The following CEP112 variants were observed in gnomAD, a reference collection of about 807,000 sequenced individuals.
The protein encoded by CEP112 is centrosomal protein 112.
Under a neutral mutation model 153.0 loss-of-function variants are expected in CEP112, and 127 were observed. The observed-to-expected ratio is 0.83, with a 90% CI of 0.72 to 0.96. The LOEUF is 0.96. Among genes scored for constraint, CEP112 ranks in the 40% least tolerant of loss-of-function variants. The pLI is 0.00. For synonymous variants in CEP112, 358 were observed against 374.4 expected (o/e 0.96, Z 0.51); for missense variants, 1,089 against 1,101.2 (o/e 0.99, Z 0.16).
intron 17 of CEP112, among the ~76,000 whole-genome samples, chr17:65,998,478 T>C (rs545798954): frequency 2.0e-5 from 3 of 150,644 alleles, no homozygotes; most frequent in African/African-American, 7.3e-5. Flanking sequence ...AAAAATCATA[T>C]ATTGTGCACT....
intron 23 of CEP112, among the ~76,000 whole-genome samples, chr17:65,696,252 T>A (rs1160623261): frequency 6.6e-6 from 1 of 152,208 alleles, no homozygotes; most frequent in Non-Finnish European, 1.5e-5. Flanking sequence ...GGTAAAATGC[T>A]AATAGTGCCT....
chr17:66,057,684 G>A (rs1275234111), intron 11 of CEP112, among the ~76,000 whole-genome samples: 1 of 151,700 alleles, frequency 6.6e-6, no homozygotes, highest in Non-Finnish European at 1.5e-5. Flanking sequence ...TATCTAACAT[G>A]TGCTTATTAA....
At chr17:65,749,458 A>C (rs1458979708) in intron 22 of CEP112, among the ~76,000 whole-genome samples, 1 of 152,070 alleles carries the variant, frequency 6.6e-6, no homozygotes, top group East Asian at 1.9e-4. Flanking sequence ...CAGTGAGCCG[A>C]GATTGCACCA....
intron 21 of CEP112, among the ~76,000 whole-genome samples, chr17:65,754,807 G>A (rs1351738443): frequency 6.6e-6 from 1 of 152,072 alleles, no homozygotes; most frequent in Non-Finnish European, 1.5e-5. Flanking sequence ...GCCACTGAAG[G>A]GGTTTGTGTT....
chr17:65,714,953 A>G (rs920842495), intron 23 of CEP112, among the ~76,000 whole-genome samples: 2 of 152,076 alleles, frequency 1.3e-5, no homozygotes, highest in Admixed American at 6.6e-5. Flanking sequence ...ATGATGATAC[A>G]TGATTGACTT....
intron 6 of CEP112, among the ~76,000 whole-genome samples, chr17:66,098,763 C>A (rs1314296696): frequency 6.6e-6 from 1 of 151,954 alleles, no homozygotes; most frequent in Non-Finnish European, 1.5e-5. Context: ...ATAAAGAGAC[C>A]AAATAAAAAT....
intron 8 of CEP112, among the ~76,000 whole-genome samples, chr17:66,089,479 T>G (rs2068058081): frequency 6.6e-6 from 1 of 152,104 alleles, no homozygotes; most frequent in African/African-American, 2.4e-5. Context: ...ATGAGAAATT[T>G]AACAGAGAAA....
At chr17:65,800,215 A>G (rs1057198756) in intron 21 of CEP112, among the ~76,000 whole-genome samples, 26 of 152,016 alleles carry the variant, frequency 1.7e-4, no homozygotes, top group African/African-American at 5.8e-4. Context: ...CCATCACCAC[A>G]ATCTGATTCT....
At chr17:65,905,076 T>C (rs1048692417) in intron 19 of CEP112, among the ~76,000 whole-genome samples, 1 of 152,064 alleles carries the variant, frequency 6.6e-6, no homozygotes, top group Non-Finnish European at 1.5e-5. Flanking sequence ...CCAAAAGCAA[T>C]GGCAACAAAA....
Position 65,870,831 on chromosome 17 carries a change from A to G in CEP112, c.2164-18797T>C, listed in dbSNP as rs557231857. 3.9e-5 allele frequency among the ~76,000 whole-genome samples: 6 copies of G among 152,344 alleles called. No individual in the cohort carries two copies. The East Asian group carries it at 9.7e-4, about 25-fold the overall frequency. On this transcript the variant is annotated intron_variant, in intron 20 of 26. Transcript: ENST00000535342. The stretch of plus-strand genomic sequence containing the variant: ...CCTATTTGGCCTTCGAAGAAGAATA[A>G]AATTCAGGCTGAATTCTTCTTCACT...
At chr17:66,058,889 A>G (rs1309406682) in intron 11 of CEP112, among the ~76,000 whole-genome samples, 2 of 152,088 alleles carry the variant, frequency 1.3e-5, no homozygotes, top group African/African-American at 2.4e-5. Context: ...GCCAGTGGGA[A>G]TCACATTACC....
intron 17 of CEP112, among the ~76,000 whole-genome samples, chr17:65,967,812 C>T (rs1021140904): frequency 6.6e-6 from 1 of 152,058 alleles, no homozygotes; most frequent in African/African-American, 2.4e-5. Context: ...CAAACTCTAG[C>T]TCAGCAAATA....
chr17:66,124,005 T>C (rs2069723091), intron 6 of CEP112, among the ~76,000 whole-genome samples: 4 of 152,246 alleles, frequency 2.6e-5, no homozygotes, highest in South Asian at 4.1e-4. Context: ...CCATCTCTCC[T>C]ACGGACAGTA....
intron 4 of CEP112, among the ~76,000 whole-genome samples, chr17:66,170,853 T>C (rs925459208): frequency 6.6e-6 from 1 of 152,090 alleles, no homozygotes; most frequent in Non-Finnish European, 1.5e-5. Flanking sequence ...TGTGGAACAG[T>C]AGTTTTTCTT....
At chr17:65,739,728 T>C (rs1044279979) in intron 23 of CEP112, among the ~76,000 whole-genome samples, 1 of 151,470 alleles carries the variant, frequency 6.6e-6, no homozygotes, top group African/African-American at 2.4e-5. Flanking sequence ...AGAGCAAGAC[T>C]CCATCTCAAA....
At chr17:65,879,136 T>G (rs938431866) in intron 20 of CEP112, among the ~76,000 whole-genome samples, 1 of 152,350 alleles carries the variant, frequency 6.6e-6, no homozygotes, top group African/African-American at 2.4e-5. Context: ...CAAATATGAT[T>G]AAATCAATGA....
At chr17:66,157,690 C>G (rs546823283) in intron 4 of CEP112, among the ~76,000 whole-genome samples, 2 of 117,796 alleles carry the variant, frequency 1.7e-5, no homozygotes, top group Non-Finnish European at 3.5e-5. Flanking sequence ...GAATATTTAC[C>G]AAGCAAATGG....
At chr17:65,800,656 C>T (rs1370165862) in intron 21 of CEP112, among the ~76,000 whole-genome samples, 1 of 152,178 alleles carries the variant, frequency 6.6e-6, no homozygotes, top group East Asian at 1.9e-4. Context: ...TTTTATAATT[C>T]TAAGTTTAAT....
chr17:65,871,897 C>A (rs974951552), intron 20 of CEP112, among the ~76,000 whole-genome samples: 5 of 152,184 alleles, frequency 3.3e-5, no homozygotes, highest in African/African-American at 1.2e-4. Flanking sequence ...CCTGTCAAAG[C>A]ATCTTGGATG....
Sources: allele counts gnomAD v4.1 joint callset (sites outside exome capture counted in the v4.1 genomes callset), GRCh38; gene constraint gnomAD v4.1.1; transcripts MANE v1.5; gene names NCBI Gene and HGNC (gene_info 2026-07-23, HGNC 2026-07-21).